The following AGBL4 variants were observed in gnomAD, a reference collection of about 807,000 sequenced individuals.
AGBL4 encodes the protein AGBL carboxypeptidase 4.
A neutral mutation model predicts 66.4 loss-of-function variants in AGBL4; 58 were observed. The observed-to-expected ratio is 0.87, with a 90% CI of 0.71 to 1.09. The LOEUF is 1.09. Ranked by LOEUF, AGBL4 falls within the 50% of genes least tolerant of loss-of-function variation. AGBL4 has a pLI of 0.00. For synonymous variants in AGBL4, 234 were observed against 222.9 expected (o/e 1.05, Z -0.44); for missense variants, 579 against 631.0 (o/e 0.92, Z 0.88).
intron 1 of AGBL4, among the ~76,000 whole-genome samples, chr1:49,978,610 T>A (rs1257481821): frequency 1.3e-5 from 2 of 152,166 alleles, no homozygotes; most frequent in Admixed American, 6.5e-5. Context: ...AATGTGAGAA[T>A]ATGGAAAGAT....
intron 5 of AGBL4, among the ~76,000 whole-genome samples, chr1:48,917,806 G>A (rs148611318): frequency 1.9e-4 from 29 of 152,334 alleles, no homozygotes; most frequent in African/African-American, 6.7e-4. Context: ...GGTTGAAACA[G>A]ATTTGTCCAC....
chr1:49,727,551 T>C (rs931783432), intron 2 of AGBL4, among the ~76,000 whole-genome samples: 12 of 152,144 alleles, frequency 7.9e-5, no homozygotes, highest in Non-Finnish European at 1.6e-4. Flanking sequence ...AAAATATCTA[T>C]TGAAATGCAT....
At chr1:48,909,510 G>GGAGGAATGCAAAACCTCTTCA (rs1652900638) in intron 5 of AGBL4, among the ~76,000 whole-genome samples, 1 of 152,200 alleles carries the variant, frequency 6.6e-6, no homozygotes. Context: ...AGAACCTACA[G>GGAGGAATGCAAAACCTCTTCA]GAGGAATGCA....
At chr1:49,429,177 G>A (rs1255439287) in intron 3 of AGBL4, among the ~76,000 whole-genome samples, 4 of 152,180 alleles carry the variant, frequency 2.6e-5, no homozygotes, top group Non-Finnish European at 5.9e-5. Flanking sequence ...AGAGCCAGAT[G>A]ATAAATATTT....
In AGBL4 at chr1:49,709,894, C is replaced by T. The variant is rs559605017; in HGVS notation, c.158-12457G>A. ...ATGAATATCAAAACCAAAATAGATA[C>T]CATCTCATGCCAGTTAGAATGGCAA... On this transcript the variant is annotated intron_variant, in intron 2 of 13. Coordinates refer to ENST00000371839, the MANE Select transcript of AGBL4 (RefSeq NM_032785.4). Among the ~76,000 whole-genome samples, 19 of 152,204 alleles carry T rather than the reference C, an allele frequency of 1.2e-4. 1 individual carries two copies. The highest frequency in any genetic ancestry group is 2.6e-4 in the Admixed American group (4 of 15,282).
chr1:48,696,533 C>G (rs1646716332), intron 6 of AGBL4, among the ~76,000 whole-genome samples: 1 of 152,116 alleles, frequency 6.6e-6, no homozygotes, highest in African/African-American at 2.4e-5. Flanking sequence ...TTATTGGGGC[C>G]TTAGATTCCT....
At chr1:48,545,247 G>A (rs1016483656) in intron 11 of AGBL4, among the ~76,000 whole-genome samples, 1 of 152,180 alleles carries the variant, frequency 6.6e-6, no homozygotes, top group African/African-American at 2.4e-5. Flanking sequence ...GCCACTGTAA[G>A]GTGTTGATCA....
chr1:49,125,934 C>T lies in AGBL4; in HGVS notation c.378-80134G>A, dbSNP rs141275926. On this transcript the variant is annotated intron_variant, in intron 4 of 13. Coordinates refer to ENST00000371839, the MANE Select transcript of AGBL4 (RefSeq NM_032785.4). ...CAGATTCATTTTCATTGGAAAACAG[C>T]CCTTATTCTTAGGCATGAAAAATAT... 3.0e-4 allele frequency among the ~76,000 whole-genome samples: 45 copies of T among 152,214 alleles called. 1 individual carries two copies. Among genetic ancestry groups the T allele is most frequent in the African/African-American group, 1.0e-3 (43 of 41,554 alleles).
In AGBL4 at chr1:49,837,628, C is replaced by G. The variant is rs143828295; in HGVS notation, c.157+13768G>C. Among the ~76,000 whole-genome samples, 1,217 of 152,190 alleles carry G rather than the reference C, an allele frequency of 8.0e-3. 9 individuals are homozygous for G. The highest frequency in any genetic ancestry group is 0.031 in the Middle Eastern group (9 of 294). On this transcript the variant is annotated intron_variant, in intron 2 of 13. Coordinates refer to ENST00000371839, the MANE Select transcript of AGBL4 (RefSeq NM_032785.4). ...TTGGGAGGCCAAGGCGGGTGGATCA[C>G]GAGGTCAGGAGATCGGACCATCCTG... is the stretch of plus-strand genomic sequence containing the variant.
At chr1:49,823,819 C>A (rs1645434456) in intron 2 of AGBL4, among the ~76,000 whole-genome samples, 1 of 126,466 alleles carries the variant, frequency 7.9e-6, no homozygotes, top group South Asian at 2.6e-4. Context: ...TACATACACA[C>A]ACAGAAACAC....
At chr1:49,321,129 C>T (rs1645125909) in intron 3 of AGBL4, among the ~76,000 whole-genome samples, 1 of 152,164 alleles carries the variant, frequency 6.6e-6, no homozygotes. Context: ...CTAGTGCAGT[C>T]TCTGAGGTTA....
chr1:49,601,688 A>T (rs1291756023), intron 3 of AGBL4, among the ~76,000 whole-genome samples: 2 of 152,232 alleles, frequency 1.3e-5, no homozygotes, highest in East Asian at 3.9e-4. Context: ...CCTACACCTT[A>T]TGCAAAAATT....
chr1:49,827,114 G>T (rs148366514), intron 2 of AGBL4, among the ~76,000 whole-genome samples: 135 of 152,066 alleles, frequency 8.9e-4, no homozygotes, highest in Non-Finnish European at 1.6e-3. Flanking sequence ...ATTCTCAATG[G>T]GGGTGCTTTC....
At chr1:49,612,711 TAA>T (rs919079091) in intron 3 of AGBL4, among the ~76,000 whole-genome samples, 2 of 152,166 alleles carry the variant, frequency 1.3e-5, no homozygotes, top group African/African-American at 4.8e-5. Context: ...GGCTATGTAT[TAA>T]AAAGTCATAA....
intron 2 of AGBL4, among the ~76,000 whole-genome samples, chr1:49,700,181 T>C (rs1298946107): frequency 6.6e-6 from 1 of 151,442 alleles, no homozygotes; most frequent in Non-Finnish European, 1.5e-5. Context: ...AGAAAGCAAA[T>C]GTAACTATAC....
chr1:49,342,045 G>A (rs551726085), intron 3 of AGBL4, among the ~76,000 whole-genome samples: 7 of 152,250 alleles, frequency 4.6e-5, no homozygotes, highest in Admixed American at 6.5e-5. Flanking sequence ...GATTGAAACC[G>A]TTGATCATCT....
intron 3 of AGBL4, among the ~76,000 whole-genome samples, chr1:49,355,888 A>G (rs1644009372): frequency 6.6e-6 from 1 of 152,110 alleles, no homozygotes; most frequent in Admixed American, 6.6e-5. Context: ...GCAGGTACCA[A>G]TTAGTGATGA....
chr1:49,940,796 A>T (rs568091186), intron 1 of AGBL4, among the ~76,000 whole-genome samples: 1 of 152,122 alleles, frequency 6.6e-6, no homozygotes, highest in Non-Finnish European at 1.5e-5. Flanking sequence ...GCACATGTAT[A>T]CATATGTAAC....
intron 1 of AGBL4, among the ~76,000 whole-genome samples, chr1:49,991,755 A>C (rs1659958821): frequency 6.6e-6 from 1 of 152,166 alleles, no homozygotes; most frequent in African/African-American, 2.4e-5. Context: ...CAAGTTTGAC[A>C]ACTTAGTTTT....
Sources: gnomAD v4.1 joint callset for allele counts (sites outside exome capture counted in the v4.1 genomes callset) on GRCh38, gnomAD v4.1.1 for gene constraint, MANE v1.5 for transcripts, NCBI Gene and HGNC (gene_info 2026-07-23, HGNC 2026-07-21) for gene names.